Variants in SPAG16 observed in about 807,000 individuals in gnomAD.
SPAG16 encodes sperm-associated antigen 16 protein.
SPAG16 carries 86 observed loss-of-function variants against 80.4 expected under a neutral mutation model. The observed-to-expected ratio is 1.07, with a 90% CI of 0.90 to 1.28. The LOEUF (loss-of-function observed/expected upper bound fraction) is 1.28, where lower values mean the gene tolerates loss of function less well. Ranked by LOEUF, SPAG16 falls within the 50% of genes most tolerant of loss-of-function variation. SPAG16 has a pLI of 0.00. For synonymous variants in SPAG16, 294 were observed against 265.9 expected (o/e 1.11, Z -1.03); for missense variants, 870 against 765.3 (o/e 1.14, Z -1.61).
intron 14 of SPAG16, among the ~76,000 whole-genome samples, chr2:214,126,817 A>G (rs2054519719): frequency 6.6e-6 from 1 of 151,800 alleles, no homozygotes; most frequent in Non-Finnish European, 1.5e-5. Context: ...TAATTAACAC[A>G]TTGCTCTCAT....
chr2:213,318,811 C>T lies in SPAG16; in HGVS notation c.536+1455C>T, dbSNP rs556752235. Among the ~76,000 whole-genome samples the T allele has an allele frequency of 2.8e-3, 428 of 151,748 alleles. 3 individuals carry two copies. Among genetic ancestry groups the T allele is most frequent in the Non-Finnish European group, 3.7e-3 (250 of 67,800 alleles). ...GCACTAATACCATATTTTGTAAGTT[C>T]CTTTTTCATTCAAGAGTACATTATT... On this transcript the variant is annotated intron_variant, in intron 5 of 15. Coordinates refer to ENST00000331683, the MANE Select transcript of SPAG16 (RefSeq NM_024532.5).
intron 13 of SPAG16, among the ~76,000 whole-genome samples, chr2:214,068,968 A>G (rs2050656102): frequency 6.6e-6 from 1 of 152,142 alleles, no homozygotes; most frequent in African/African-American, 2.4e-5. Flanking sequence ...TCGTTGCATT[A>G]TATATACTCT....
intron 13 of SPAG16, among the ~76,000 whole-genome samples, chr2:214,100,279 CTTTATAGCAG>C (rs1427615809): frequency 6.6e-6 from 1 of 152,018 alleles, no homozygotes; most frequent in African/African-American, 2.4e-5. Context: ...TCAGGTATTG[CTTTATAGCAG>C]TGTGAAAATG....
intron 10 of SPAG16, among the ~76,000 whole-genome samples, chr2:213,614,728 A>T (rs1162361354): frequency 2.0e-5 from 3 of 152,210 alleles, no homozygotes; most frequent in Non-Finnish European, 4.4e-5. Flanking sequence ...AAACTCTCTT[A>T]TGCTTTTATA....
At chr2:213,830,146 C>T (rs2073547456) in intron 10 of SPAG16, among the ~76,000 whole-genome samples, 3 of 152,098 alleles carry the variant, frequency 2.0e-5, no homozygotes, top group Admixed American at 2.0e-4. Context: ...AGCCGTTTAG[C>T]CCTCTGTAGC....
intron 12 of SPAG16, among the ~76,000 whole-genome samples, chr2:214,012,254 A>G (rs1225422265): frequency 9.3e-5 from 8 of 86,284 alleles, no homozygotes; most frequent in African/African-American, 3.6e-4. Flanking sequence ...ATATTTTTAT[A>G]CTTACATATA....
intron 15 of SPAG16, among the ~76,000 whole-genome samples, chr2:214,192,624 T>C (rs2125699822): frequency 2.9e-5 from 1 of 34,664 alleles, no homozygotes; most frequent in Non-Finnish European, 5.7e-5. Context: ...AGTAGTATTG[T>C]ATATTCCTTT....
intron 15 of SPAG16, among the ~76,000 whole-genome samples, chr2:214,354,624 C>T: frequency 6.6e-6 from 1 of 151,860 alleles, no homozygotes; most frequent in Admixed American, 6.6e-5. Flanking sequence ...ATTCTTCCTA[C>T]CCATGAGCAT....
intron 15 of SPAG16, among the ~76,000 whole-genome samples, chr2:214,396,489 T>C (rs1701389458): frequency 6.6e-6 from 1 of 152,166 alleles, no homozygotes; most frequent in South Asian, 2.1e-4. Context: ...TAATGTTTTA[T>C]TGTTTTTATT....
At chr2:213,857,564 T>A (rs573409992) in intron 10 of SPAG16, among the ~76,000 whole-genome samples, 3 of 151,490 alleles carry the variant, frequency 2.0e-5, no homozygotes, top group African/African-American at 4.8e-5. Flanking sequence ...GAAAAAAAAA[T>A]GATTCTTTAC....
At position 213,751,441 on chromosome 2, in the gene SPAG16, C is replaced by G. The variant is rs80231715; in HGVS notation, c.1071-111044C>G. Among the ~76,000 whole-genome samples, 10 of 152,266 alleles carry G rather than the reference C, an allele frequency of 6.6e-5. No homozygotes were observed. In the East Asian group the frequency reaches 1.9e-3, roughly 29 times the overall value. On this transcript the variant is annotated intron_variant, in intron 10 of 15. Transcript: ENST00000331683. ...TGTTTTCTTTAAACCAGCTAATCCA[C>G]AACCTCTGAGGGAAAGCCTAAGTGG...
intron 15 of SPAG16, among the ~76,000 whole-genome samples, chr2:214,351,677 T>C (rs1175262884): frequency 2.0e-5 from 3 of 150,678 alleles, no homozygotes; most frequent in Non-Finnish European, 2.9e-5. Context: ...CACTCCAGCC[T>C]GGGTGACAGA....
chr2:214,275,921 G>A (rs1178891378), intron 15 of SPAG16, among the ~76,000 whole-genome samples: 1 of 152,078 alleles, frequency 6.6e-6, no homozygotes, highest in Non-Finnish European at 1.5e-5. Flanking sequence ...TTATTGTGTG[G>A]GAGTCTAAGT....
At chr2:214,062,632 T>C (rs78625644) in intron 13 of SPAG16, among the ~76,000 whole-genome samples, 3,853 of 151,144 alleles carry the variant, frequency 0.025, 174 homozygotes, top group African/African-American at 0.086. Flanking sequence ...CACAATATCT[T>C]GTTGGCACCA....
intron 10 of SPAG16, among the ~76,000 whole-genome samples, chr2:213,764,255 A>G (rs941691140): frequency 6.6e-6 from 1 of 151,788 alleles, no homozygotes; most frequent in African/African-American, 2.4e-5. Context: ...ATTTTCTTTC[A>G]GTTTTTGAGG....
chr2:213,463,638 T>C (rs1241160699), intron 9 of SPAG16, among the ~76,000 whole-genome samples: 1 of 152,198 alleles, frequency 6.6e-6, no homozygotes, highest in Non-Finnish European at 1.5e-5. Context: ...TGAACAGAAG[T>C]CAAGAATTGT....
chr2:214,287,400 G>C (rs778680696), intron 15 of SPAG16, among the ~76,000 whole-genome samples: 96 of 152,138 alleles, frequency 6.3e-4, no homozygotes, highest in Non-Finnish European at 1.2e-3. Flanking sequence ...TATTGTATTT[G>C]ATATATTGAC....
chr2:213,818,861 G>A (rs547120054), intron 10 of SPAG16, among the ~76,000 whole-genome samples: 2 of 152,166 alleles, frequency 1.3e-5, no homozygotes, highest in South Asian at 4.2e-4. Context: ...TGTGAAGAAG[G>A]TGCCTGCTTC....
Position 213,929,973 on chromosome 2 carries a change from G to C in SPAG16, c.1228G>C (p.Ala410Pro), listed in dbSNP as rs779579499. The C allele has an allele frequency of 6.9e-6, 11 of 1,602,080 alleles. No homozygotes were observed. The East Asian group carries it at 2.2e-4, about 33-fold the overall frequency. ...CCFHPSGDKLATSSGDTTVKL... is the reference protein window; with the variant it reads ...CCFHPSGDKLPTSSGDTTVKL... ...TTTTGCAAATAGTGGCGACAAATTG[G>C]CTACTTCAAGTGGTGACACTACAGT... Residue 410 changes from alanine (A) to proline (P), a missense_variant, in exon 12 of 16, where the codon GCT (alanine) becomes CCT (proline). Physicochemically the swap from Ala to Pro is conservative, Grantham distance 27. Coordinates refer to ENST00000331683, the MANE Select transcript of SPAG16 (RefSeq NM_024532.5).
Sources: allele counts gnomAD v4.1 joint callset (sites outside exome capture counted in the v4.1 genomes callset), GRCh38; gene constraint gnomAD v4.1.1; transcripts MANE v1.5; gene names NCBI Gene and HGNC (gene_info 2026-07-23, HGNC 2026-07-21).